The following PHACTR2 variants were observed in gnomAD, a reference collection of about 807,000 sequenced individuals.
PHACTR2 encodes phosphatase and actin regulator 2.
A neutral mutation model predicts 76.0 loss-of-function variants in PHACTR2; 30 were observed. The ratio of observed to expected loss-of-function variants is 0.39; its 90% CI spans 0.30 to 0.54. The LOEUF is 0.54. Ranked by LOEUF, PHACTR2 falls within the 20% of genes least tolerant of loss-of-function variation. PHACTR2 has a pLI of 0.61. For synonymous variants in PHACTR2, 292 were observed against 292.5 expected (o/e 1.00, Z 0.02); for missense variants, 696 against 781.1 (o/e 0.89, Z 1.30).
At chr6:143,749,440 G>C (rs979001651) in intron 3 of PHACTR2, among the ~76,000 whole-genome samples, 1 of 152,226 alleles carries the variant, frequency 6.6e-6, no homozygotes, top group East Asian at 1.9e-4. Flanking sequence ...GTTTTAGCTT[G>C]GTTCATGCTA....
At chr6:143,579,860 C>T (rs1025590977) in intron 1 of PHACTR2, among the ~76,000 whole-genome samples, 14 of 152,206 alleles carry the variant, frequency 9.2e-5, no homozygotes, top group Admixed American at 3.3e-4. Context: ...CTCAGGATCT[C>T]TCCCAGATTG....
intron 1 of PHACTR2, among the ~76,000 whole-genome samples, chr6:143,577,349 G>A (rs950483733): frequency 6.6e-6 from 1 of 152,094 alleles, no homozygotes; most frequent in African/African-American, 2.4e-5. Flanking sequence ...ACCTAACATA[G>A]GGAAATAAAA....
rs542404143 is a variant in PHACTR2, at chr6:143,798,521, T to C, written c.1846-8536T>C. On this transcript the variant is annotated intron_variant, in intron 11 of 12. Coordinates refer to ENST00000440869, the MANE Select transcript of PHACTR2 (RefSeq NM_001100164.2). ...TCCAGTGTTTGTCCATTCAGTATGA[T>C]ATTGTCTGTGGGTTTGTCATAAACA... is the stretch of plus-strand genomic sequence containing the variant. Among the ~76,000 whole-genome samples the C allele has an allele frequency of 1.7e-4, 26 of 152,334 alleles. No individual in the cohort carries two copies. In the East Asian group the frequency reaches 4.8e-3, roughly 28 times the overall value.
rs901962252 is a variant in PHACTR2 at position 143,624,357 on chromosome 6, T to G, written c.13+16035T>G. Reference sequence around the variant, plus strand: ...CCTGACCTCAGGTGATCCACCCACCTTGGCCTCCTAAAGTGCTAGGATTAC... The same window carrying G: ...CCTGACCTCAGGTGATCCACCCACCGTGGCCTCCTAAAGTGCTAGGATTAC... On this transcript the variant is annotated intron_variant, in intron 1 of 11. Transcript: ENST00000305766. This position sits in a 1 kb window ranked among gnomAD's most constrained non-coding sequence, Gnocchi z 4.6. 3.2e-4 allele frequency among the ~76,000 whole-genome samples: 48 copies of G among 152,210 alleles called. No individual in the cohort carries two copies. Among genetic ancestry groups the G allele is most frequent in the African/African-American group, 1.1e-3 (47 of 41,458 alleles).
chr6:143,657,215 C>G (rs562352659), intron 1 of PHACTR2, among the ~76,000 whole-genome samples: 173 of 151,552 alleles, frequency 1.1e-3, no homozygotes, highest in Non-Finnish European at 1.9e-3. Context: ...CAAACTTGCA[C>G]ATTCTGCACA....
At position 143,803,174 on chromosome 6, in the gene PHACTR2, A is replaced by G. The variant is rs956980845; in HGVS notation, c.1846-3883A>G. 1.3e-5 allele frequency among the ~76,000 whole-genome samples: 2 copies of G among 152,274 alleles called. No individual in the cohort carries two copies. The highest frequency in any genetic ancestry group is 4.8e-5 in the African/African-American group (2 of 41,550). On this transcript the variant is annotated intron_variant, in intron 11 of 12. Transcript: ENST00000440869. This position sits in a 1 kb window ranked among gnomAD's most constrained non-coding sequence, Gnocchi z 4.7. ...CATCCTGTTTAGAGAAAGAAAGTGC[A>G]CCTCGCTGCCAGTGCTGATTTAATT...
Position 143,617,466 on chromosome 6 carries a change from A to C in PHACTR2, c.13+9144A>C, listed in dbSNP as rs1241002660. Among the ~76,000 whole-genome samples the C allele has an allele frequency of 1.3e-5, 2 of 152,160 alleles. No individual in the cohort carries two copies. The highest frequency in any genetic ancestry group is 6.5e-5 in the Admixed American group (1 of 15,284). ...TCCCCTGGAAATCTTTTAAATACCC[A>C]TCTCTGTGCCCCACCCTAGACAAAT... On this transcript the variant is annotated intron_variant, in intron 1 of 11. Transcript: ENST00000305766. This position sits in a 1 kb window ranked among gnomAD's most constrained non-coding sequence, Gnocchi z 4.8.
chr6:143,631,735 GTGCACAT>G (rs1409857191), intron 1 of PHACTR2, among the ~76,000 whole-genome samples: 1 of 152,152 alleles, frequency 6.6e-6, no homozygotes, highest in African/African-American at 2.4e-5. Context: ...TGGGAACCCT[GTGCACAT>G]TCTAGGAGTG....
At position 143,712,535 on chromosome 6, in the gene PHACTR2, T is replaced by TTGA. The variant is rs66784045; in HGVS notation, c.214+353_214+354insGAT. Among the ~76,000 whole-genome samples the TTGA allele has an allele frequency of 4.6e-5, 7 of 150,806 alleles. No homozygotes were observed. The East Asian group carries it at 1.4e-3, about 29-fold the overall frequency. On this transcript the variant is annotated intron_variant, in intron 2 of 12. Coordinates refer to ENST00000440869, the MANE Select transcript of PHACTR2 (RefSeq NM_001100164.2). ...TATCCATTTTTATATACACATGATGTTATATATTTAGTTAGACTATACTAT... is the reference window on the plus strand; with the variant it reads ...TATCCATTTTTATATACACATGATGTTGATATATATTTAGTTAGACTATACTAT...
Position 143,751,262 on chromosome 6 carries a change from C to T in PHACTR2, c.295+2197C>T, listed in dbSNP as rs1295514254. On this transcript the variant is annotated intron_variant, in intron 3 of 12. Transcript: ENST00000440869. This position sits in a 1 kb window ranked among gnomAD's most constrained non-coding sequence, Gnocchi z 5.7. ...CCATCCCACCATATCCCATACTCTC[C>T]CGGCTATTGTTATTTTTCCTTTTAG... is the stretch of plus-strand genomic sequence containing the variant. Among the ~76,000 whole-genome samples, 1 of 152,174 alleles carries T rather than the reference C, an allele frequency of 6.6e-6. No individual in the cohort carries two copies. The highest frequency in any genetic ancestry group is 2.4e-5 in the African/African-American group (1 of 41,444).
At chr6:143,649,942 C>T (rs1230241716) in intron 1 of PHACTR2, among the ~76,000 whole-genome samples, 2 of 152,146 alleles carry the variant, frequency 1.3e-5, no homozygotes, top group Non-Finnish European at 2.9e-5. Context: ...TAGAAAACTC[C>T]ATTGTCTCAG....
At position 143,684,393 on chromosome 6, in the gene PHACTR2, T is replaced by C. The variant is rs1242006875; in HGVS notation, c.46+6184T>C. On this transcript the variant is annotated intron_variant, in intron 1 of 12. Coordinates refer to ENST00000440869, the MANE Select transcript of PHACTR2 (RefSeq NM_001100164.2). This position sits in a 1 kb window ranked among gnomAD's most constrained non-coding sequence, Gnocchi z 4.3. ...CTCCACATGGATCCATCAGCAGGTC[T>C]TGTTCTTTTTTCTTCCCAAATATAT... Among the ~76,000 whole-genome samples the C allele has an allele frequency of 6.6e-6, 1 of 152,202 alleles. No homozygotes were observed. Among genetic ancestry groups the C allele is most frequent in the Non-Finnish European group, 1.5e-5 (1 of 68,038 alleles).
rs567210170 is a variant in PHACTR2 at position 143,709,229 on chromosome 6, G to A, written c.47-2787G>A. 2.6e-5 allele frequency among the ~76,000 whole-genome samples: 4 copies of A among 152,294 alleles called. No homozygotes were observed. The highest frequency in any genetic ancestry group is 4.4e-5 in the Non-Finnish European group (3 of 68,016). Reference sequence around the variant, plus strand: ...CTGTTGTGCTATGGCTGAAAGTAGGGTTAGGAACCACTTTCAGAAGAATCA... The same window carrying A: ...CTGTTGTGCTATGGCTGAAAGTAGGATTAGGAACCACTTTCAGAAGAATCA... On this transcript the variant is annotated intron_variant, in intron 1 of 12. Coordinates refer to ENST00000440869, the MANE Select transcript of PHACTR2 (RefSeq NM_001100164.2). This position sits in a 1 kb window ranked among gnomAD's most constrained non-coding sequence, Gnocchi z 4.4.
At position 143,608,233 on chromosome 6, in the gene PHACTR2, C is replaced by G. The variant is rs1775912076; in HGVS notation, c.-77C>G. 8 of 1,481,230 alleles carry G rather than the reference C, an allele frequency of 5.4e-6. No individual in the cohort carries two copies. In the South Asian group the frequency reaches 9.1e-5, roughly 17 times the overall value. The allele number at this position is 1,481,230 out of a possible 1,614,324, so 91.8% of individuals were successfully genotyped here. A position where few individuals can be genotyped will look rare whatever the true frequency, so the allele number is the denominator to read the frequency against. Reference sequence around the variant, plus strand: ...CAAGGGCTGATAATCAGCAGAAGGACAGGGTGCTTCGTTAGTCAGAAGAGC... The same window carrying G: ...CAAGGGCTGATAATCAGCAGAAGGAGAGGGTGCTTCGTTAGTCAGAAGAGC... On this transcript the variant is annotated 5_prime_UTR_variant, in exon 1 of 12. Coordinates refer to the PHACTR2 transcript ENST00000305766. This position sits in a 1 kb window ranked among gnomAD's most constrained non-coding sequence, Gnocchi z 4.6.
At position 143,800,746 on chromosome 6, in the gene PHACTR2, A is replaced by T. The variant is rs1775933949; in HGVS notation, c.1846-6311A>T. On this transcript the variant is annotated intron_variant, in intron 11 of 12. Transcript: ENST00000440869. The surrounding 1 kb of genome is among the most constrained non-coding windows in gnomAD (Gnocchi z 4.8). ...AATTTGATCCTGTCATTATGATGTT[A>T]GCTGGTTATTTTGCCCGTTAGTTGA... Among the ~76,000 whole-genome samples the T allele has an allele frequency of 6.6e-6, 1 of 152,188 alleles. No individual in the cohort carries two copies. The highest frequency in any genetic ancestry group is 2.4e-5 in the African/African-American group (1 of 41,430).
At chr6:143,609,370 AT>A (rs1341851685) in intron 1 of PHACTR2, among the ~76,000 whole-genome samples, 1 of 152,076 alleles carries the variant, frequency 6.6e-6, no homozygotes, top group Admixed American at 6.6e-5. Flanking sequence ...TTATTTGGTC[AT>A]TGCCATTGAA....
Position 143,827,275 on chromosome 6 carries a change from A to G in PHACTR2, c.*3586A>G, listed in dbSNP as rs1186018126. ...AACATTGCATATTCTGATATGTACC[A>G]TATTAACACATAACAGGCATTTTAT... On this transcript the variant is annotated 3_prime_UTR_variant, in exon 13 of 13. Transcript: ENST00000440869. The G allele has an allele frequency of 6.7e-6, 1 of 149,174 alleles. No individual in the cohort carries two copies. Among genetic ancestry groups the G allele is most frequent in the Non-Finnish European group, 1.5e-5 (1 of 67,460 alleles). The allele number at this position is 149,174 out of a possible 1,614,324, so 9.2% of individuals were successfully genotyped here.
Position 143,806,044 on chromosome 6 carries a change from G to A in PHACTR2, c.1846-1013G>A, listed in dbSNP as rs747858174. On this transcript the variant is annotated intron_variant, in intron 11 of 12. Transcript: ENST00000440869. This position sits in a 1 kb window ranked among gnomAD's most constrained non-coding sequence, Gnocchi z 5.8. ...GGCTGAAGAGTCCATTTTGCCTAGA[G>A]GTTACAGGGGTGTTTTTATTAGCAC... is the stretch of plus-strand genomic sequence containing the variant. Among the ~76,000 whole-genome samples, 5 of 152,134 alleles carry A rather than the reference G, an allele frequency of 3.3e-5. No homozygotes were observed. The highest frequency in any genetic ancestry group is 5.9e-5 in the Non-Finnish European group (4 of 68,028).
In PHACTR2 at chr6:143,683,206, T is replaced by C. The variant is rs560730389; in HGVS notation, c.46+4997T>C. Among the ~76,000 whole-genome samples, 15 of 152,362 alleles carry C rather than the reference T, an allele frequency of 9.8e-5. No individual in the cohort carries two copies. In the South Asian group the frequency reaches 3.1e-3, roughly 32 times the overall value. ...CATGCCCTAGGAGGATTGAGACTTC[T>C]AGTATTTCATTGTGAAGTGTAGAGC... On this transcript the variant is annotated intron_variant, in intron 1 of 12. Transcript: ENST00000440869. This position sits in a 1 kb window ranked among gnomAD's most constrained non-coding sequence, Gnocchi z 4.1.
Sources: allele counts gnomAD v4.1 joint callset (sites outside exome capture counted in the v4.1 genomes callset), GRCh38; gene constraint gnomAD v4.1.1; non-coding constraint Gnocchi (gnomAD v3.1); transcripts MANE v1.5; gene names NCBI Gene and HGNC (gene_info 2026-07-23, HGNC 2026-07-21).